The following CCDC7 variants were observed in gnomAD, a reference collection of about 807,000 sequenced individuals.
CCDC7 encodes the protein coiled-coil domain-containing protein 7.
CCDC7 carries 183 observed loss-of-function variants against 196.9 expected under a neutral mutation model. The observed-to-expected ratio is 0.93, with a 90% confidence interval of 0.82 to 1.05. The LOEUF is 1.05. CCDC7 is among the 50% of genes least tolerant of loss of function. The pLI is 0.00. For missense variants in CCDC7, 1,540 were observed against 1,482.2 expected (o/e 1.04, Z -0.64); for synonymous variants, 525 against 484.6 (o/e 1.08, Z -1.10).
At chr10:32,461,313 C>T (rs1305694308) in intron 3 of CCDC7, among the ~76,000 whole-genome samples, 2 of 152,024 alleles carry the variant, frequency 1.3e-5, no homozygotes, top group Non-Finnish European at 1.5e-5. Flanking sequence ...TGGACATTAG[C>T]CTGCAGTTGG....
Position 32,630,257 on chromosome 10 carries a change from T to C in CCDC7, c.1802-3997T>C, listed in dbSNP as rs1164821258. On this transcript the variant is annotated intron_variant, in intron 18 of 41. Transcript: ENST00000639629. ...GATTTAAGTGCCAAGCCCTATGGCA[T>C]AGAGTGTAAAAGTTGGGTACCATAT... is the stretch of plus-strand genomic sequence containing the variant. Among the ~76,000 whole-genome samples, 7 of 152,040 alleles carry C rather than the reference T, an allele frequency of 4.6e-5. No homozygotes were observed. The East Asian group carries it at 1.4e-3, about 29-fold the overall frequency.
chr10:32,574,323 T>C (rs943238796), intron 16 of CCDC7: 1 of 545,008 alleles, frequency 1.8e-6, no homozygotes, highest in Non-Finnish European at 2.5e-6. Flanking sequence ...TATAATAATA[T>C]AATATATTAC....
At chr10:32,471,369 CTA>C (rs2037914112) in intron 6 of CCDC7, 139 bp downstream of exon 7, 1 of 1,021,890 alleles carries the variant, frequency 9.8e-7, no homozygotes, top group East Asian at 2.9e-5. Context: ...CAGCTTGTTT[CTA>C]TTTGCAATTT....
intron 18 of CCDC7, among the ~76,000 whole-genome samples, chr10:32,591,014 C>A (rs565451584): frequency 1.2e-4 from 19 of 152,080 alleles, no homozygotes; most frequent in African/African-American, 4.6e-4. Context: ...GAATATTGAT[C>A]TCTCTGTCTA....
chr10:32,634,352 G>A (rs780741775), exon 19 of CCDC7: 2 of 1,131,920 alleles, frequency 1.8e-6, no homozygotes, highest in Non-Finnish European at 2.2e-6. Flanking sequence ...TTCTAGTATG[G>A]AAAGACATGA....
At chr10:32,511,803 A>G in intron 9 of CCDC7, 2 of 1,162,546 alleles carry the variant, frequency 1.7e-6, no homozygotes, top group Non-Finnish European at 2.5e-6. Context: ...CGATGACGAC[A>G]ATGACGCGCC....
intron 5 of CCDC7, among the ~76,000 whole-genome samples, chr10:32,466,817 G>A (rs1038433467): frequency 1.3e-5 from 2 of 152,086 alleles, no homozygotes; most frequent in African/African-American, 4.8e-5. Context: ...TCAAATGGTA[G>A]TTCTGTTTTT....
At chr10:32,522,639 A>G (rs534723349) in intron 11 of CCDC7, among the ~76,000 whole-genome samples, 4 of 151,840 alleles carry the variant, frequency 2.6e-5, no homozygotes, top group African/African-American at 9.7e-5. Flanking sequence ...GATCTTTTGT[A>G]TTGTTTTCTT....
chr10:32,879,584 G>A (rs984172788), downstream of CCDC7, among the ~76,000 whole-genome samples: 9 of 152,046 alleles, frequency 5.9e-5, no homozygotes, highest in African/African-American at 1.9e-4. Context: ...CCTCTTGACC[G>A]AATGGAGGCT....
Position 32,706,572 on chromosome 10 carries a change from G to A in CCDC7, c.2459-5048G>A, listed in dbSNP as rs7920646. ...AGTCAACAGAATAGATAGATGGCTA[G>A]CAAGACTAATAAAGAAGAAAAGAGA... is the stretch of plus-strand genomic sequence containing the variant. On this transcript the variant is annotated intron_variant, in intron 24 of 41. Transcript: ENST00000639629. Among the ~76,000 whole-genome samples the A allele has an allele frequency of 7.3e-3, 1,108 of 152,116 alleles. 17 individuals are homozygous for A. The highest frequency in any genetic ancestry group is 0.011 in the Non-Finnish European group (762 of 67,998).
intron 29 of CCDC7, among the ~76,000 whole-genome samples, chr10:32,782,008 T>C (rs1017516937): frequency 1.3e-5 from 2 of 152,230 alleles, no homozygotes; most frequent in African/African-American, 4.8e-5. Flanking sequence ...ACATTATCTA[T>C]GCACTGGTAG....
At chr10:32,762,200 T>C (rs926009877) in intron 28 of CCDC7, among the ~76,000 whole-genome samples, 3 of 151,920 alleles carry the variant, frequency 2.0e-5, no homozygotes, top group East Asian at 3.9e-4. Flanking sequence ...GGTTTGGCTC[T>C]TAAATCACCT....
At chr10:32,700,691 G>A (rs961352419) in intron 24 of CCDC7, among the ~76,000 whole-genome samples, 5 of 152,126 alleles carry the variant, frequency 3.3e-5, no homozygotes, top group African/African-American at 1.2e-4. Flanking sequence ...CCATGAGCAT[G>A]GAATGGTCTT....
intron 28 of CCDC7, among the ~76,000 whole-genome samples, chr10:32,746,649 G>A (rs1310234091): frequency 6.6e-6 from 1 of 152,164 alleles, no homozygotes; most frequent in Non-Finnish European, 1.5e-5. Flanking sequence ...TTGCAACACA[G>A]TCTCCAATGC....
chr10:32,533,078 A>G (rs2049927779), intron 11 of CCDC7, among the ~76,000 whole-genome samples: 1 of 151,818 alleles, frequency 6.6e-6, no homozygotes, highest in Non-Finnish European at 1.5e-5. Flanking sequence ...GTAATTTTTT[A>G]TGATAATATG....
chr10:32,779,583 G>A (rs940553782), intron 29 of CCDC7, among the ~76,000 whole-genome samples: 2 of 152,232 alleles, frequency 1.3e-5, no homozygotes, highest in African/African-American at 4.8e-5. Flanking sequence ...GGTAGTGGTA[G>A]TGTGGTTAAG....
intron 11 of CCDC7, among the ~76,000 whole-genome samples, chr10:32,536,047 G>A (rs2050435659): frequency 6.6e-6 from 1 of 152,136 alleles, no homozygotes; most frequent in African/African-American, 2.4e-5. Context: ...GCAAGAGAGA[G>A]AAAAGGTCAA....
chr10:32,630,479 A>G (rs1759666), intron 18 of CCDC7, among the ~76,000 whole-genome samples: 126,838 of 151,866 alleles, frequency 0.84, 53,567 homozygotes, highest in Non-Finnish European at 0.9. Flanking sequence ...TGGGGTTAGT[A>G]CAGGGAGTCC....
At chr10:32,705,522 A>G (rs2079570000) in intron 24 of CCDC7, among the ~76,000 whole-genome samples, 1 of 152,136 alleles carries the variant, frequency 6.6e-6, no homozygotes, top group Non-Finnish European at 1.5e-5. Flanking sequence ...ACACAGACTG[A>G]CAAGTTGGAT....
Sources: gnomAD v4.1 joint callset for allele counts (sites outside exome capture counted in the v4.1 genomes callset) on GRCh38, gnomAD v4.1.1 for gene constraint, MANE v1.5 for transcripts, NCBI Gene and HGNC (gene_info 2026-07-23, HGNC 2026-07-21) for gene names.